The following NEK1 variants were observed in gnomAD, a reference collection of about 807,000 sequenced individuals.
The protein encoded by NEK1 is serine/threonine-protein kinase Nek1.
NEK1 carries 137 observed loss-of-function variants against 182.1 expected under a neutral mutation model. The ratio of observed to expected loss-of-function variants is 0.75; its 90% CI spans 0.65 to 0.87. The LOEUF is 0.87. Among genes scored for constraint, NEK1 ranks in the 40% least tolerant of loss-of-function variants. The pLI, the probability that NEK1 is intolerant of heterozygous loss-of-function variation, is 0.00. For synonymous variants in NEK1, 513 were observed against 492.2 expected, an observed-to-expected ratio of 1.04 and a Z score of -0.56; for missense variants, 1,391 against 1,494.4, an observed-to-expected ratio of 0.93 and a Z score of 1.14.
At chr4:169,593,365 T>C (rs765074094) in intron 5 of NEK1, among the ~76,000 whole-genome samples, 10 of 152,136 alleles carry the variant, frequency 6.6e-5, no homozygotes, top group Non-Finnish European at 1.2e-4. Flanking sequence ...CCAAATTTGG[T>C]TCATGGGCCA....
intron 35 of NEK1, among the ~76,000 whole-genome samples, chr4:169,395,127 T>G (rs1180354539): frequency 1.3e-5 from 2 of 152,214 alleles, no homozygotes; most frequent in Non-Finnish European, 2.9e-5. Context: ...TTCTAAAGAT[T>G]ATAATCAAGT....
intron 2 of NEK1, among the ~76,000 whole-genome samples, chr4:169,607,457 TTTTTTAA>T (rs1771539772): frequency 6.6e-6 from 1 of 152,180 alleles, no homozygotes; most frequent in Non-Finnish European, 1.5e-5. Flanking sequence ...ATTAAAATTT[TTTTTTAA>T]TTTTTAATTT....
intron 5 of NEK1, among the ~76,000 whole-genome samples, chr4:169,595,025 T>C (rs1561479542): frequency 6.6e-6 from 1 of 152,156 alleles, no homozygotes; most frequent in African/African-American, 2.4e-5. Context: ...TGCTTGATGC[T>C]TGCCAGAAAG....
chr4:169,576,852 G>T (rs1229217488), intron 12 of NEK1, 76 bp downstream of exon 12: 15 of 1,311,156 alleles, frequency 1.1e-5, no homozygotes, highest in Non-Finnish European at 2.1e-6. Context: ...TAATATCAAG[G>T]TAACTGAATT....
At chr4:169,498,548 G>T (rs1751804068) in intron 23 of NEK1, among the ~76,000 whole-genome samples, 1 of 152,188 alleles carries the variant, frequency 6.6e-6, no homozygotes, top group African/African-American at 2.4e-5. Context: ...GGTACTGGTT[G>T]TTCCTTTCCA....
intron 12 of NEK1, among the ~76,000 whole-genome samples, chr4:169,570,443 C>A (rs1764571610): frequency 1.3e-5 from 2 of 151,450 alleles, no homozygotes; most frequent in Non-Finnish European, 2.9e-5. Flanking sequence ...GCCGCCCAGT[C>A]TGGGAGGGAG....
At chr4:169,471,323 T>G (rs1745920270) in intron 26 of NEK1, among the ~76,000 whole-genome samples, 1 of 152,198 alleles carries the variant, frequency 6.6e-6, no homozygotes. Flanking sequence ...GTGTCCTTTT[T>G]GTTGATGTTG....
intron 18 of NEK1, among the ~76,000 whole-genome samples, chr4:169,550,562 G>A (rs886268017): frequency 1.3e-5 from 2 of 152,088 alleles, no homozygotes; most frequent in African/African-American, 4.8e-5. Flanking sequence ...AATAATTCCT[G>A]CCTCACAGTA....
intron 12 of NEK1, among the ~76,000 whole-genome samples, chr4:169,573,094 A>C (rs1270782482): frequency 6.6e-6 from 1 of 152,260 alleles, no homozygotes; most frequent in African/African-American, 2.4e-5. Flanking sequence ...TGCAGGAGAG[A>C]GCGCAAAGTC....
At chr4:169,421,585 T>C (rs1187905844) in intron 31 of NEK1, among the ~76,000 whole-genome samples, 1 of 152,120 alleles carries the variant, frequency 6.6e-6, no homozygotes, top group South Asian at 2.1e-4. Flanking sequence ...TGTGTGGCAC[T>C]TCCCCCTTCG....
At chr4:169,435,657 C>T (rs1292064408) in intron 28 of NEK1, among the ~76,000 whole-genome samples, 1 of 152,120 alleles carries the variant, frequency 6.6e-6, no homozygotes, top group Non-Finnish European at 1.5e-5. Flanking sequence ...TATTTGATAT[C>T]TGGAAGCCCA....
chr4:169,521,377 G>A (rs11730300), intron 19 of NEK1, among the ~76,000 whole-genome samples: 6,190 of 138,662 alleles, frequency 0.045, 134 homozygotes, highest in Non-Finnish European at 0.053. Context: ...CGCACGGTGC[G>A]CACACACACT....
intron 11 of NEK1, among the ~76,000 whole-genome samples, chr4:169,577,707 T>C (rs1007497108): frequency 2.1e-4 from 32 of 152,090 alleles, no homozygotes; most frequent in Non-Finnish European, 3.5e-4. Context: ...TGAGCCGAGA[T>C]TGCGCCACTG....
chr4:169,592,709 A>T (rs1479757171), intron 5 of NEK1, among the ~76,000 whole-genome samples: 6 of 152,120 alleles, frequency 3.9e-5, no homozygotes, highest in African/African-American at 1.4e-4. Flanking sequence ...AAAAAAAAAA[A>T]AAACTCTCAG....
intron 27 of NEK1, among the ~76,000 whole-genome samples, chr4:169,458,603 T>C (rs1467925608): frequency 6.6e-6 from 1 of 151,750 alleles, no homozygotes; most frequent in Non-Finnish European, 1.5e-5. Context: ...TGATGCACAC[T>C]GGTGGTCCCA....
chr4:169,410,238 C>T lies in NEK1; in HGVS notation c.3223-3491G>A, dbSNP rs114648942. ...GTTACATGATAATTTACACATCTAGCATTTGGTACCATTATAAGTTCAAAC... is the reference window on the plus strand; with the variant it reads ...GTTACATGATAATTTACACATCTAGTATTTGGTACCATTATAAGTTCAAAC... On this transcript the variant is annotated intron_variant, in intron 31 of 35. Coordinates refer to ENST00000507142, the MANE Select transcript of NEK1 (RefSeq NM_001199397.3). Among the ~76,000 whole-genome samples the T allele has an allele frequency of 3.9e-3, 593 of 152,008 alleles. 7 individuals carry two copies. Among genetic ancestry groups the T allele is most frequent in the African/African-American group, 0.014 (571 of 41,444 alleles).
chr4:169,461,984 G>A (rs573362896), intron 27 of NEK1, among the ~76,000 whole-genome samples: 28 of 152,154 alleles, frequency 1.8e-4, no homozygotes, highest in African/African-American at 6.3e-4. Flanking sequence ...GGATTATGAT[G>A]AATACGAAGA....
chr4:169,422,283 T>C (rs1439452119), intron 31 of NEK1, among the ~76,000 whole-genome samples: 2 of 152,088 alleles, frequency 1.3e-5, no homozygotes, highest in African/African-American at 2.4e-5. Flanking sequence ...CAAAAGGGGA[T>C]AGAGAAATGG....
chr4:169,457,700 GA>G (rs1367048491), intron 27 of NEK1, among the ~76,000 whole-genome samples: 23 of 134,624 alleles, frequency 1.7e-4, no homozygotes, highest in African/African-American at 6.3e-4. Context: ...AAGAAGGGGG[GA>G]GGGGAGAAGG....
Sources: allele counts gnomAD v4.1 joint callset (sites outside exome capture counted in the v4.1 genomes callset), GRCh38; gene constraint gnomAD v4.1.1; transcripts MANE v1.5; gene names NCBI Gene and HGNC (gene_info 2026-07-23, HGNC 2026-07-21).